PDE1C: variants seen among roughly 807,000 people sequenced by gnomAD.
PDE1C encodes the protein dual specificity calcium/calmodulin-dependent 3',5'-cyclic nucleotide phosphodiesterase 1C.
A neutral mutation model predicts 93.1 loss-of-function variants in PDE1C; 62 were observed. The observed-to-expected ratio is 0.67, with a 90% CI of 0.54 to 0.82. The LOEUF is 0.82. Ranked by LOEUF, PDE1C falls within the 40% of genes least tolerant of loss-of-function variation. The pLI is 0.00. For missense variants in PDE1C, 742 were observed against 884.6 expected, an observed-to-expected ratio of 0.84 and a Z score of 2.04; for synonymous variants, 325 against 310.1, an observed-to-expected ratio of 1.05 and a Z score of -0.50.
At chr7:32,365,685 G>C (rs544625181) in intron 1 of PDE1C, among the ~76,000 whole-genome samples, 1 of 152,168 alleles carries the variant, frequency 6.6e-6, no homozygotes, top group East Asian at 1.9e-4. Context: ...CAGATCTGTA[G>C]CCCCGACCCC....
chr7:32,133,364 C>T lies in PDE1C; in HGVS notation c.308+36421G>A, dbSNP rs745829799. On this transcript the variant is annotated intron_variant, in intron 3 of 18. Coordinates refer to the PDE1C transcript ENST00000396193. ...GGAAGTTGAAACTGGAGCAAGTCAC[C>T]AGTACAGAGTAAATTCTCCCTCTTT... 1.3e-5 allele frequency among the ~76,000 whole-genome samples: 2 copies of T among 152,072 alleles called. 1 individual carries two copies. Among genetic ancestry groups the T allele is most frequent in the African/African-American group, 4.8e-5 (2 of 41,402 alleles).
chr7:31,931,825 C>T (rs1033015163), intron 2 of PDE1C, among the ~76,000 whole-genome samples: 4 of 152,146 alleles, frequency 2.6e-5, no homozygotes, highest in East Asian at 1.9e-4. Context: ...ATCACACTAC[C>T]TGACTTCAAA....
At position 32,420,722 on chromosome 7, in the gene PDE1C, TA is replaced by T. The variant is rs202155034; in HGVS notation, c.310+7099del. Among the ~76,000 whole-genome samples, 460 of 141,840 alleles carry T rather than the reference TA, an allele frequency of 3.2e-3. 3 individuals carry two copies. Among genetic ancestry groups the T allele is most frequent in the African/African-American group, 0.012 (446 of 37,860 alleles). The allele number at this position is 141,840 out of a possible 152,430, so 93.1% of individuals were successfully genotyped here. A position where few individuals can be genotyped will look rare whatever the true frequency, so the allele number is the denominator to read the frequency against. On this transcript the variant is annotated intron_variant, in intron 1 of 1. Transcript: ENST00000672256. ...AACTAAAATTAATAACTGGTTAAAATATTTTTTTTAAGTATCTTTACTCAGG... is the reference window on the plus strand; with the variant it reads ...AACTAAAATTAATAACTGGTTAAAATTTTTTTTTAAGTATCTTTACTCAGG...
chr7:32,304,465 T>C (rs906904331), intron 1 of PDE1C, among the ~76,000 whole-genome samples: 3 of 152,146 alleles, frequency 2.0e-5, no homozygotes, highest in African/African-American at 7.2e-5. Context: ...AGCCATTCCC[T>C]CTCTCCACTC....
At position 31,825,758 on chromosome 7, in the gene PDE1C, C is replaced by T. The variant is rs141621320; in HGVS notation, c.1286-771G>A. Among the ~76,000 whole-genome samples, 3 of 152,200 alleles carry T rather than the reference C, an allele frequency of 2.0e-5. No homozygotes were observed. The East Asian group carries it at 5.8e-4, about 29-fold the overall frequency. On this transcript the variant is annotated intron_variant, in intron 12 of 17. Transcript: ENST00000396191. ...GGAAATGCAAAGCAGGCACAGATAC[C>T]TGCACAGCAGGAGGTGGTACTGCCT...
chr7:31,751,810 G>C lies in PDE1C; in HGVS notation c.*1574C>G, dbSNP rs1794152180. On this transcript the variant is annotated 3_prime_UTR_variant, in exon 18 of 18. Transcript: ENST00000396191. Reference sequence around the variant, plus strand: ...CTAAATTCCGGAACTTGCTCAACTTGAATAACTGCAGTTTATTGGAAATGA... The same window carrying C: ...CTAAATTCCGGAACTTGCTCAACTTCAATAACTGCAGTTTATTGGAAATGA... 1 of 152,162 alleles carries C rather than the reference G, an allele frequency of 6.6e-6. No homozygotes were observed. Among genetic ancestry groups the C allele is most frequent in the South Asian group, 2.1e-4 (1 of 4,826 alleles). The allele number at this position is 152,162 out of a possible 1,614,324, so 9.4% of individuals were successfully genotyped here.
chr7:32,325,259 T>C (rs975278088), intron 1 of PDE1C, among the ~76,000 whole-genome samples: 5 of 152,180 alleles, frequency 3.3e-5, no homozygotes, highest in Admixed American at 1.3e-4. Context: ...ACTCCCAACA[T>C]GGCCACTGCC....
At chr7:31,842,018 G>T (rs1206391447) in intron 9 of PDE1C, among the ~76,000 whole-genome samples, 2 of 152,032 alleles carry the variant, frequency 1.3e-5, no homozygotes, top group African/African-American at 4.8e-5. Context: ...TGTTAGGAAG[G>T]GCAATCTGCT....
chr7:31,745,884 C>T, the PDE1C span, among the ~76,000 whole-genome samples: 1 of 152,148 alleles, frequency 6.6e-6, no homozygotes, highest in Non-Finnish European at 1.5e-5. Flanking sequence ...AATTCAAATG[C>T]TTTGCACTCA....
At chr7:31,720,778 T>G in the PDE1C span, among the ~76,000 whole-genome samples, 2 of 152,218 alleles carry the variant, frequency 1.3e-5, no homozygotes, top group African/African-American at 4.8e-5. Flanking sequence ...TTTCTCCATT[T>G]GGGTATTTGG....
At chr7:31,898,669 G>A (rs1799606877) in intron 2 of PDE1C, among the ~76,000 whole-genome samples, 1 of 152,116 alleles carries the variant, frequency 6.6e-6, no homozygotes, top group Non-Finnish European at 1.5e-5. Flanking sequence ...AGGATTAAAG[G>A]AGAGAAATAT....
At chr7:32,086,804 G>T (rs1797112499) in intron 3 of PDE1C, among the ~76,000 whole-genome samples, 1 of 152,182 alleles carries the variant, frequency 6.6e-6, no homozygotes, top group Non-Finnish European at 1.5e-5. Context: ...CTAGCCATAT[G>T]TAGAAACTGA....
chr7:32,220,642 C>T (rs1198884631), intron 1 of PDE1C, among the ~76,000 whole-genome samples: 2 of 152,024 alleles, frequency 1.3e-5, no homozygotes, highest in Non-Finnish European at 2.9e-5. Context: ...AGTGAAACCC[C>T]GCCTCTACTA....
At chr7:32,318,458 G>A (rs1455698932) in intron 1 of PDE1C, among the ~76,000 whole-genome samples, 1 of 152,146 alleles carries the variant, frequency 6.6e-6, no homozygotes, top group East Asian at 1.9e-4. Context: ...CCTCCGCCGC[G>A]GTCTACACAG....
chr7:31,954,149 G>A (rs954426312), intron 2 of PDE1C, among the ~76,000 whole-genome samples: 1 of 152,232 alleles, frequency 6.6e-6, no homozygotes, highest in African/African-American at 2.4e-5. Flanking sequence ...CTGGGAATTG[G>A]CTGCCCAAAT....
At chr7:31,626,858 A>C in the PDE1C span, among the ~76,000 whole-genome samples, 1 of 152,372 alleles carries the variant, frequency 6.6e-6, no homozygotes, top group South Asian at 2.1e-4. Flanking sequence ...ACATTGCCTA[A>C]CACACAGTAA....
Position 31,828,323 on chromosome 7 carries a change from T to C in PDE1C, c.1254A>G (p.Arg418=), listed in dbSNP as rs1789948704. The C allele has an allele frequency of 6.2e-7, 1 of 1,612,746 alleles. No homozygotes were observed. The highest frequency in any genetic ancestry group is 8.5e-7 in the Non-Finnish European group (1 of 1,179,024). Residue 418 remains arginine (R), a synonymous_variant, in exon 12 of 18, where the codon CGA becomes CGG. Coordinates refer to ENST00000396191, the MANE Select transcript of PDE1C (RefSeq NM_001191057.4). ...LGLPFSPLCD[R]KSTMVAQSQV... is the part of the protein sequence containing the mutation. ...GTGACTGAGCAACCATAGTGGACTT[T>C]CGGTCACACAGAGGAGAAAAAGGCA...
intron 1 of PDE1C, among the ~76,000 whole-genome samples, chr7:32,410,539 T>C (rs1785148001): frequency 6.6e-6 from 1 of 152,198 alleles, no homozygotes; most frequent in East Asian, 1.9e-4. Flanking sequence ...ACAGGTGGTC[T>C]GTGCTGCTTT....
At chr7:31,892,003 G>GT (rs1168098630) in intron 2 of PDE1C, among the ~76,000 whole-genome samples, 1 of 152,202 alleles carries the variant, frequency 6.6e-6, no homozygotes, top group Non-Finnish European at 1.5e-5. Context: ...TTACAATAAT[G>GT]TGACTCTACA....
Sources: gnomAD v4.1 joint callset for allele counts (sites outside exome capture counted in the v4.1 genomes callset) on GRCh38, gnomAD v4.1.1 for gene constraint, MANE v1.5 for transcripts, NCBI Gene and HGNC (gene_info 2026-07-23, HGNC 2026-07-21) for gene names.